Variants in RYR3 observed in about 807,000 individuals in gnomAD.
RYR3 encodes ryanodine receptor 3, also known as brain ryanodine receptor-calcium release channel.
A neutral mutation model predicts 584.3 loss-of-function variants in RYR3; 207 were observed. That is an observed-to-expected ratio of 0.35 (90% CI 0.32 to 0.40). The LOEUF (loss-of-function observed/expected upper bound fraction) is 0.40. Among genes scored for constraint, RYR3 ranks in the 10% least tolerant of loss-of-function variants. The pLI is 1.00. For missense variants in RYR3, 5,616 were observed against 6,089.2 expected, an observed-to-expected ratio of 0.92 and a Z score of 2.59; for synonymous variants, 2,416 against 2,248.5, an observed-to-expected ratio of 1.07 and a Z score of -2.11.
rs1308592192 is a variant in RYR3 at position 33,706,978 on chromosome 15, A to G, written c.6543A>G (p.Gly2181=). 26 of 1,613,460 alleles carry G rather than the reference A, an allele frequency of 1.6e-5. No individual in the cohort carries two copies. The highest frequency in any genetic ancestry group is 2.1e-5 in the Non-Finnish European group (25 of 1,179,826). Residue 2181 remains glycine, a synonymous_variant, in exon 43 of 104, where the codon GGA becomes GGG. Coordinates refer to ENST00000634891, the MANE Select transcript of RYR3 (RefSeq NM_001036.6). The part of the protein sequence containing the change: ...LQSCPMLLAK[G]YPDVGWNPIE... ...GCTGCCCCATGCTTCTGGCCAAAGG[A>G]TACCCTGATGTCGGCTGGAACCCCA...
intron 3 of RYR3, among the ~76,000 whole-genome samples, chr15:33,520,016 T>G (rs1055990621): frequency 6.6e-6 from 1 of 151,882 alleles, no homozygotes; most frequent in Non-Finnish European, 1.5e-5. Flanking sequence ...ACAAAAAAGA[T>G]AGAGAGATTT....
chr15:33,693,070 C>G (rs1405871380), intron 38 of RYR3, among the ~76,000 whole-genome samples: 1 of 152,094 alleles, frequency 6.6e-6, no homozygotes, highest in Non-Finnish European at 1.5e-5. Context: ...TTTTGTTAGT[C>G]GTGAGAACTA....
intron 18 of RYR3, among the ~76,000 whole-genome samples, chr15:33,611,008 C>G (rs912907167): frequency 1.3e-5 from 2 of 152,090 alleles, no homozygotes; most frequent in Non-Finnish European, 2.9e-5. Context: ...CTGAACTAGA[C>G]TAGCAGTAAG....
chr15:33,608,859 G>T (rs540051048), intron 18 of RYR3, among the ~76,000 whole-genome samples: 1 of 152,350 alleles, frequency 6.6e-6, no homozygotes, highest in South Asian at 2.1e-4. Context: ...TCCTCCTGGT[G>T]GTTATTTTCA....
chr15:33,312,303 C>A (rs776548825), intron 1 of RYR3, among the ~76,000 whole-genome samples: 2 of 152,148 alleles, frequency 1.3e-5, no homozygotes, highest in Admixed American at 6.5e-5. Flanking sequence ...CCTGTTGAAG[C>A]GCTTCCTTCC....
chr15:33,622,995 A>G (rs949884878), intron 19 of RYR3, among the ~76,000 whole-genome samples: 4 of 152,236 alleles, frequency 2.6e-5, no homozygotes, highest in African/African-American at 9.6e-5. Context: ...AGACTTCTGC[A>G]TGGTGGTAAT....
rs548928046 is a variant in RYR3, at chr15:33,543,015, AGT to A, written c.647-604_647-603del. On this transcript the variant is annotated intron_variant, in intron 7 of 103. Coordinates refer to ENST00000634891, the MANE Select transcript of RYR3 (RefSeq NM_001036.6). The stretch of plus-strand genomic sequence containing the variant: ...ATTCTTTTCCTTATTCTGAAGGCTA[AGT>A]GTTTGTTGATGAAAGCGTCTACACT... Among the ~76,000 whole-genome samples, 23 of 152,206 alleles carry A rather than the reference AGT, an allele frequency of 1.5e-4. No individual in the cohort carries two copies. The South Asian group carries it at 4.8e-3, about 32-fold the overall frequency.
chr15:33,819,792 C>G lies in RYR3; in HGVS notation c.10743C>G (p.Ser3581=), dbSNP rs778205832. The G allele has an allele frequency of 8.4e-5, 134 of 1,587,996 alleles. No homozygotes were observed. The highest frequency in any genetic ancestry group is 7.6e-5 in the Non-Finnish European group (88 of 1,165,108). The change falls in exon 77 of 104, where the codon TCC becomes TCG. Residue 3581 remains serine (S), a synonymous_variant. Coordinates refer to ENST00000634891, the MANE Select transcript of RYR3 (RefSeq NM_001036.6). ...LEDDPLYTSY[S]SMMAKSCQSG... ...ACGACCCTTTGTACACCTCCTATTC[C>G]AGCATGATGGCCAAGGTACACCCAG...
At chr15:33,564,031 T>C (rs543575662) in intron 11 of RYR3, among the ~76,000 whole-genome samples, 1 of 152,246 alleles carries the variant, frequency 6.6e-6, no homozygotes, top group East Asian at 1.9e-4. Context: ...GCACAAAATA[T>C]TGCACATAGA....
At chr15:33,856,126 C>G (rs962313164) in intron 98 of RYR3, 3 of 152,210 alleles carry the variant, frequency 2.0e-5, no homozygotes, top group Admixed American at 6.5e-5. Flanking sequence ...CACCCAAGAC[C>G]ACACAGCTGC....
intron 2 of RYR3, among the ~76,000 whole-genome samples, chr15:33,500,292 A>G (rs1233752720): frequency 6.6e-6 from 1 of 152,184 alleles, no homozygotes; most frequent in East Asian, 1.9e-4. Context: ...GGGCTTGGCT[A>G]GTGTATGCTA....
intron 1 of RYR3, among the ~76,000 whole-genome samples, chr15:33,404,449 TC>T (rs1331169898): frequency 6.6e-6 from 1 of 152,234 alleles, no homozygotes; most frequent in Non-Finnish European, 1.5e-5. Context: ...AAGCTCAGGT[TC>T]TTCTATACGG....
At chr15:33,588,662 C>G (rs2058977313) in intron 16 of RYR3, among the ~76,000 whole-genome samples, 1 of 152,140 alleles carries the variant, frequency 6.6e-6, no homozygotes, top group Admixed American at 6.5e-5. Flanking sequence ...GTCCGCATCT[C>G]CACATTATTT....
intron 1 of RYR3, among the ~76,000 whole-genome samples, chr15:33,360,209 G>T (rs1595848350): frequency 6.6e-6 from 1 of 152,054 alleles, no homozygotes; most frequent in South Asian, 2.1e-4. Flanking sequence ...AAGTAGACCT[G>T]TATAATCACT....
At chr15:33,566,405 A>T (rs1239095097) in intron 11 of RYR3, among the ~76,000 whole-genome samples, 1 of 152,204 alleles carries the variant, frequency 6.6e-6, no homozygotes, top group Non-Finnish European at 1.5e-5. Context: ...CGCCCTTTCA[A>T]ATCTAGGCCT....
At chr15:33,494,433 T>C (rs907327794) in intron 2 of RYR3, among the ~76,000 whole-genome samples, 4 of 152,216 alleles carry the variant, frequency 2.6e-5, no homozygotes, top group Non-Finnish European at 5.9e-5. Context: ...ATTCTGCTCA[T>C]GGCTGCAAGT....
chr15:33,771,850 C>A, intron 62 of RYR3, 70 bp from the exon 63 acceptor site: 1 of 1,073,742 alleles, frequency 9.3e-7, no homozygotes, highest in Non-Finnish European at 1.4e-6. Context: ...GATGACACTG[C>A]CAGTTTCAAG....
intron 19 of RYR3, among the ~76,000 whole-genome samples, chr15:33,614,539 G>A (rs2060353837): frequency 1.3e-5 from 2 of 152,048 alleles, no homozygotes; most frequent in South Asian, 4.2e-4. Context: ...TACGAATGTG[G>A]TGAAACATTT....
Position 33,748,209 on chromosome 15 carries a change from G to A in RYR3, c.8085G>A (p.Leu2695=). ...AGAGGACCAAAGAGGGAGAAGCTTT[G>A]GTTCAACAGCGGGAAAATGAGAAGC... ...TVERTKEGEA[L]VQQRENEKLR... Residue 2695 remains leucine, a synonymous_variant, in exon 54 of 104, where the codon TTG becomes TTA. Coordinates refer to ENST00000634891, the MANE Select transcript of RYR3 (RefSeq NM_001036.6). 2.5e-6 allele frequency: 4 copies of A among 1,613,956 alleles called. No homozygotes were observed. Among genetic ancestry groups the A allele is most frequent in the Non-Finnish European group, 3.4e-6 (4 of 1,179,878 alleles).
Sources: gnomAD v4.1 joint callset for allele counts (sites outside exome capture counted in the v4.1 genomes callset) on GRCh38, gnomAD v4.1.1 for gene constraint, MANE v1.5 for transcripts, NCBI Gene and HGNC (gene_info 2026-07-23, HGNC 2026-07-21) for gene names.